Variants in SPMIP2 observed in about 807,000 individuals in gnomAD.
SPMIP2 encodes the protein sperm microtubule inner protein 2, also known as protein SPMIP2.
the SPMIP2 span, among the ~76,000 whole-genome samples, chr4:158,987,848 G>C: frequency 6.6e-6 from 1 of 151,870 alleles, no homozygotes; most frequent in Non-Finnish European, 1.5e-5. Flanking sequence ...AGAGAAGCAA[G>C]AGCAAACAAA....
At chr4:159,013,340 G>T in the SPMIP2 span, among the ~76,000 whole-genome samples, 1 of 152,162 alleles carries the variant, frequency 6.6e-6, no homozygotes, top group African/African-American at 2.4e-5. Flanking sequence ...ACTCAAGTGT[G>T]GTGTATACAT....
chr4:158,984,625 T>A, the SPMIP2 span, among the ~76,000 whole-genome samples: 1 of 151,336 alleles, frequency 6.6e-6, no homozygotes, highest in Non-Finnish European at 1.5e-5. Context: ...TGGGACACAT[T>A]CAAAGCAGTG....
the SPMIP2 span, among the ~76,000 whole-genome samples, chr4:159,082,465 G>GTGTGTGTATGTGTGTGTGTGTGTGTA: frequency 1.3e-5 from 2 of 149,210 alleles, no homozygotes; most frequent in African/African-American, 4.9e-5. Context: ...GTGTGTGTGT[G>GTGTGTGTATGTGTGTGTGTGTGTGTA]TGTGTGTGTG....
chr4:158,896,851 T>TA, the SPMIP2 span, among the ~76,000 whole-genome samples: 201 of 139,090 alleles, frequency 1.4e-3, 2 homozygotes, highest in African/African-American at 5.0e-3. Context: ...GTTTTTTTTT[T>TA]ATTATTATTA....
the SPMIP2 span, among the ~76,000 whole-genome samples, chr4:158,962,544 C>T: frequency 9.2e-5 from 14 of 152,148 alleles, no homozygotes; most frequent in African/African-American, 2.2e-4. Context: ...AAATTCCCTA[C>T]GGCTATCTTT....
the SPMIP2 span, among the ~76,000 whole-genome samples, chr4:159,019,292 G>A: frequency 3.8e-5 from 1 of 26,356 alleles, no homozygotes; most frequent in East Asian, 1.2e-3. Flanking sequence ...TTGAGACTCC[G>A]TCTCAAAAAA....
chr4:159,060,742 C>T, the SPMIP2 span, among the ~76,000 whole-genome samples: 1 of 152,068 alleles, frequency 6.6e-6, no homozygotes, highest in African/African-American at 2.4e-5. Context: ...ATAGCTTAAC[C>T]TTATGTAAAT....
At chr4:159,078,394 A>G in the SPMIP2 span, among the ~76,000 whole-genome samples, 1 of 152,330 alleles carries the variant, frequency 6.6e-6, no homozygotes, top group East Asian at 1.9e-4. Flanking sequence ...TGAATTTCGA[A>G]AAGATGAGAG....
At chr4:158,980,648 GCAT>G in the SPMIP2 span, among the ~76,000 whole-genome samples, 1 of 152,146 alleles carries the variant, frequency 6.6e-6, no homozygotes, top group Admixed American at 6.5e-5. Flanking sequence ...AACAGAAATA[GCAT>G]CAACATCAAC....
chr4:159,031,192 T>C, the SPMIP2 span, among the ~76,000 whole-genome samples: 1 of 152,178 alleles, frequency 6.6e-6, no homozygotes, highest in Non-Finnish European at 1.5e-5. Flanking sequence ...TGGTAAGTGA[T>C]GGGCCTTATA....
chr4:158,937,698 A>G, the SPMIP2 span, among the ~76,000 whole-genome samples: 1 of 152,346 alleles, frequency 6.6e-6, no homozygotes, highest in South Asian at 2.1e-4. Context: ...CACACTGACT[A>G]TGTGTTCAGC....
the SPMIP2 span, among the ~76,000 whole-genome samples, chr4:159,020,134 AG>A: frequency 3.9e-5 from 6 of 151,936 alleles, no homozygotes; most frequent in Admixed American, 3.3e-4. Context: ...AAAAAAAAAA[AG>A]ATTCCCTAAA....
chr4:159,039,679 G>T, the SPMIP2 span, among the ~76,000 whole-genome samples: 2 of 152,206 alleles, frequency 1.3e-5, no homozygotes, highest in African/African-American at 4.8e-5. Flanking sequence ...GTCTCCATGA[G>T]CCACCAGATG....
At chr4:159,080,828 G>A in the SPMIP2 span, among the ~76,000 whole-genome samples, 477 of 149,752 alleles carry the variant, frequency 3.2e-3, 2 homozygotes, top group African/African-American at 0.01. Flanking sequence ...GGTTCACGCC[G>A]TTCTCCTGCC....
At chr4:158,950,698 C>T in the SPMIP2 span, among the ~76,000 whole-genome samples, 6 of 152,160 alleles carry the variant, frequency 3.9e-5, no homozygotes, top group African/African-American at 7.2e-5. Context: ...GAGCTCAAGA[C>T]CAGCCTGGCC....
At chr4:159,013,742 C>T in the SPMIP2 span, among the ~76,000 whole-genome samples, 1 of 151,194 alleles carries the variant, frequency 6.6e-6, no homozygotes, top group South Asian at 2.1e-4. Context: ...CAGATCATAA[C>T]AACATACAAT....
At chr4:159,066,374 T>C in the SPMIP2 span, among the ~76,000 whole-genome samples, 1 of 151,894 alleles carries the variant, frequency 6.6e-6, no homozygotes, top group Non-Finnish European at 1.5e-5. Flanking sequence ...TCTAGGGGTG[T>C]GGATTTCAAT....
chr4:158,965,109 A>T, the SPMIP2 span, among the ~76,000 whole-genome samples: 1 of 152,214 alleles, frequency 6.6e-6, no homozygotes, highest in African/African-American at 2.4e-5. Context: ...ATGTTTTTCA[A>T]TGCAGTGGGT....
the SPMIP2 span, among the ~76,000 whole-genome samples, chr4:159,033,976 A>C: frequency 6.6e-6 from 1 of 152,160 alleles, no homozygotes; most frequent in Non-Finnish European, 1.5e-5. Flanking sequence ...TACAAAATAA[A>C]TAAATAAATA....
Sources: allele counts gnomAD v4.1 joint callset (sites outside exome capture counted in the v4.1 genomes callset), GRCh38; gene constraint gnomAD v4.1.1; transcripts MANE v1.5; gene names NCBI Gene and HGNC (gene_info 2026-07-23, HGNC 2026-07-21).